TRPC1: variants seen among roughly 807,000 people sequenced by gnomAD.
TRPC1 encodes transient receptor potential cation channel subfamily C member 1.
Under a neutral mutation model 88.2 loss-of-function variants are expected in TRPC1, and 42 were observed. That is an observed-to-expected ratio of 0.48 (90% CI 0.37 to 0.62). The LOEUF (loss-of-function observed/expected upper bound fraction) is 0.62, where lower values mean the gene tolerates loss of function less well. Ranked by LOEUF, TRPC1 falls within the 20% of genes least tolerant of loss-of-function variation. The probability of loss-of-function intolerance (pLI) is 0.00; values close to 1 mark genes in which losing one functional copy is unlikely to be tolerated. For synonymous variants in TRPC1, 288 were observed against 331.8 expected (o/e 0.87, Z 1.43); for missense variants, 699 against 957.3 (o/e 0.73, Z 3.56).
chr3:142,755,318 G>A (rs1212549215), intron 4 of TRPC1, among the ~76,000 whole-genome samples: 1 of 152,128 alleles, frequency 6.6e-6, no homozygotes, highest in African/African-American at 2.4e-5. Context: ...CCAGCTACTT[G>A]GGAGGCTGAG....
At chr3:142,734,435 T>C (rs1266599554) in intron 1 of TRPC1, among the ~76,000 whole-genome samples, 1 of 151,670 alleles carries the variant, frequency 6.6e-6, no homozygotes, top group Non-Finnish European at 1.5e-5. Flanking sequence ...GGAAGAAATA[T>C]GTGAAGAAAT....
At chr3:142,778,574 G>GA (rs898949924) in intron 5 of TRPC1, among the ~76,000 whole-genome samples, 2 of 152,126 alleles carry the variant, frequency 1.3e-5, no homozygotes, top group African/African-American at 4.8e-5. Flanking sequence ...GCCCTCTAAA[G>GA]AAGGAGGAAT....
chr3:142,747,006 T>C (rs546231598), intron 3 of TRPC1, among the ~76,000 whole-genome samples: 5 of 152,256 alleles, frequency 3.3e-5, no homozygotes, highest in South Asian at 2.1e-4. Context: ...ACAGAATCTA[T>C]GAACTTCCTT....
At chr3:142,763,991 C>T (rs57925090) in intron 4 of TRPC1, among the ~76,000 whole-genome samples, 1,163 of 26,028 alleles carry the variant, frequency 0.045, 109 homozygotes, top group African/African-American at 0.27. Flanking sequence ...TATACACATA[C>T]ATACATACAT....
At chr3:142,802,693 G>T (rs1012590605) in intron 10 of TRPC1, among the ~76,000 whole-genome samples, 14 of 152,270 alleles carry the variant, frequency 9.2e-5, no homozygotes, top group African/African-American at 3.1e-4. Context: ...AATGTCAGTA[G>T]CAACTCTCAG....
chr3:142,793,196 C>A (rs1473257029), intron 9 of TRPC1, among the ~76,000 whole-genome samples: 1 of 151,964 alleles, frequency 6.6e-6, no homozygotes, highest in African/African-American at 2.4e-5. Context: ...CCATTAGCCT[C>A]CTCCCCCCAC....
At chr3:142,782,992 A>T in intron 6 of TRPC1, among the ~76,000 whole-genome samples, 1 of 152,198 alleles carries the variant, frequency 6.6e-6, no homozygotes, top group East Asian at 1.9e-4. Context: ...GTCACATAGC[A>T]TCACCTCTGT....
At chr3:142,771,187 T>A (rs541782959) in intron 4 of TRPC1, among the ~76,000 whole-genome samples, 5 of 152,348 alleles carry the variant, frequency 3.3e-5, no homozygotes, top group East Asian at 1.9e-4. Context: ...AGGATCAAAT[T>A]TCAACATGAG....
intron 7 of TRPC1, among the ~76,000 whole-genome samples, chr3:142,786,801 T>C (rs906640056): frequency 1.3e-5 from 2 of 152,220 alleles, no homozygotes; most frequent in African/African-American, 4.8e-5. Context: ...AGATGAAATT[T>C]TATAACATTT....
intron 1 of TRPC1, among the ~76,000 whole-genome samples, chr3:142,732,966 C>CT (rs59126201): frequency 0.25 from 35,542 of 144,122 alleles, 4,443 homozygotes; most frequent in East Asian, 0.42. Flanking sequence ...GTGTTCTGGT[C>CT]TTTTTTTTTT....
intron 7 of TRPC1, among the ~76,000 whole-genome samples, chr3:142,788,765 A>G (rs1013314179): frequency 2.6e-5 from 4 of 151,988 alleles, no homozygotes; most frequent in Admixed American, 6.6e-5. Context: ...AAAAAAATAG[A>G]CCCTAAAATA....
chr3:142,752,745 T>C (rs541211982), intron 4 of TRPC1, among the ~76,000 whole-genome samples: 2 of 152,236 alleles, frequency 1.3e-5, no homozygotes, highest in Non-Finnish European at 2.9e-5. Flanking sequence ...TCCCTGCAGC[T>C]TTCCACAGTG....
At chr3:142,736,728 A>G (rs1250855126) in intron 2 of TRPC1, among the ~76,000 whole-genome samples, 195 bp downstream of exon 2, 2 of 151,980 alleles carry the variant, frequency 1.3e-5, no homozygotes, top group Non-Finnish European at 2.9e-5. Flanking sequence ...AAACAAACCA[A>G]AAAAAACTTT....
At chr3:142,781,662 G>T (rs1330907360) in intron 6 of TRPC1, among the ~76,000 whole-genome samples, 2 of 151,952 alleles carry the variant, frequency 1.3e-5, no homozygotes, top group African/African-American at 4.8e-5. Flanking sequence ...TATGATCCAG[G>T]AACTTGAATC....
At position 142,724,716 on chromosome 3, in the gene TRPC1, C is replaced by T. The variant is rs775658869; in HGVS notation, c.157C>T (p.Leu53=). The T allele has an allele frequency of 4.9e-5, 78 of 1,592,822 alleles. No individual in the cohort carries two copies. Among genetic ancestry groups the T allele is most frequent in the Non-Finnish European group, 6.6e-5 (77 of 1,167,176 alleles). Residue 53 remains leucine (L), a synonymous_variant, in exon 1 of 13, where the codon CTG becomes TTG. Coordinates refer to ENST00000476941, the MANE Select transcript of TRPC1 (RefSeq NM_001251845.2). This position sits in a 1 kb window ranked among gnomAD's most constrained non-coding sequence, Gnocchi z 5.6. ...TACGCTGAATGAGAAGCTTTTCTTGCTGGCGTGCGACAAGGGTGAGAGTTA... is the reference window on the plus strand; with the variant it reads ...TACGCTGAATGAGAAGCTTTTCTTGTTGGCGTGCGACAAGGGTGAGAGTTA... ...ENTLNEKLFL[L]ACDKGDYYMV...
intron 2 of TRPC1, among the ~76,000 whole-genome samples, chr3:142,740,717 G>T (rs1294583104): frequency 6.6e-6 from 1 of 152,184 alleles, no homozygotes; most frequent in African/African-American, 2.4e-5. Context: ...AAAGTAATTG[G>T]ACTTGGAAAC....
intron 9 of TRPC1, among the ~76,000 whole-genome samples, chr3:142,796,552 A>G (rs1366440356): frequency 6.6e-6 from 1 of 151,826 alleles, no homozygotes; most frequent in African/African-American, 2.4e-5. Context: ...TTATTCTTGT[A>G]GCTTAGTACA....
intron 4 of TRPC1, among the ~76,000 whole-genome samples, chr3:142,769,011 A>G (rs542095873): frequency 6.6e-6 from 1 of 152,038 alleles, no homozygotes; most frequent in Non-Finnish European, 1.5e-5. Context: ...GTGCCTCTTC[A>G]TTTTTTCTTG....
rs572433240 is a variant in TRPC1 at position 142,806,197 on chromosome 3, C to T, written c.2344C>T (p.Arg782Trp). The T allele has an allele frequency of 1.3e-5, 21 of 1,612,870 alleles. No individual in the cohort carries two copies. The highest frequency in any genetic ancestry group is 3.3e-5 in the South Asian group (3 of 91,010). ...TGAAATAAGGGATTTACTTGGCTTT[C>T]GGACTTCTAAATATGCTATGTTTTA... The part of the protein sequence containing the change: ...RNEIRDLLGF[R>W]TSKYAMFYPR... The change falls in exon 13 of 13, where the codon CGG becomes TGG. Residue 782 changes from arginine to tryptophan, a missense_variant. Transcript: ENST00000476941.
Sources: allele counts gnomAD v4.1 joint callset (sites outside exome capture counted in the v4.1 genomes callset), GRCh38; gene constraint gnomAD v4.1.1; non-coding constraint Gnocchi (gnomAD v3.1); transcripts MANE v1.5; gene names NCBI Gene and HGNC (gene_info 2026-07-23, HGNC 2026-07-21).